The following LARGE1 variants were observed in gnomAD, a reference collection of about 807,000 sequenced individuals.
The protein encoded by LARGE1 is LARGE xylosyl- and glucuronyltransferase 1.
In LARGE1, 43 loss-of-function variants were observed where a neutral mutation model predicts 87.6. The observed-to-expected ratio is 0.49, with a 90% CI of 0.38 to 0.63. The LOEUF is 0.63. Among genes scored for constraint, LARGE1 ranks in the 30% least tolerant of loss-of-function variants. The pLI is 0.00. For synonymous variants in LARGE1, 434 were observed against 394.6 expected, an observed-to-expected ratio of 1.10 and a Z score of -1.18; for missense variants, 802 against 1,000.2, an observed-to-expected ratio of 0.80 and a Z score of 2.67.
At chr22:33,137,450 G>A in the LARGE1 span, 69 of 152,356 alleles carry the variant, frequency 4.5e-4, no homozygotes, top group African/African-American at 1.6e-3. Context: ...CAGAGCATAA[G>A]AGTTCAGAAA....
chr22:33,482,736 T>C (rs2069383517), intron 6 of LARGE1, among the ~76,000 whole-genome samples: 1 of 152,138 alleles, frequency 6.6e-6, no homozygotes, highest in Admixed American at 6.5e-5. Flanking sequence ...AACAATCCAA[T>C]AATACTCTTT....
At chr22:33,821,857 T>C (rs2086832604) in intron 1 of LARGE1, among the ~76,000 whole-genome samples, 1 of 151,288 alleles carries the variant, frequency 6.6e-6, no homozygotes, top group African/African-American at 2.4e-5. Flanking sequence ...CTGAAAAGCC[T>C]GCCCAAGTGC....
At chr22:33,876,460 T>A (rs1167926598) in intron 1 of LARGE1, among the ~76,000 whole-genome samples, 1 of 152,130 alleles carries the variant, frequency 6.6e-6, no homozygotes, top group African/African-American at 2.4e-5. Context: ...TTTGTGAAAA[T>A]TCACCAAGCT....
chr22:33,912,501 A>G (rs1360100635), intron 1 of LARGE1, among the ~76,000 whole-genome samples: 1 of 152,210 alleles, frequency 6.6e-6, no homozygotes, highest in Non-Finnish European at 1.5e-5. Context: ...GTAATTCAGA[A>G]AAGGACTATG....
intron 9 of LARGE1, among the ~76,000 whole-genome samples, chr22:33,344,812 G>T (rs1203629073): frequency 3.4e-4 from 11 of 32,544 alleles, no homozygotes; most frequent in Non-Finnish European, 7.0e-4. Flanking sequence ...ATCATTGTTG[G>T]CTTGGGGGCA....
intron 6 of LARGE1, among the ~76,000 whole-genome samples, chr22:33,490,709 A>G (rs5994756): frequency 0.058 from 8,839 of 152,226 alleles, 712 homozygotes; most frequent in African/African-American, 0.18. Flanking sequence ...GCATTGCCCC[A>G]AGTTAGAGGT....
chr22:33,238,224 G>A (rs373438077), intron 11 of LARGE1, among the ~76,000 whole-genome samples: 3 of 152,044 alleles, frequency 2.0e-5, no homozygotes, highest in East Asian at 3.9e-4. Context: ...AAGAGAATGA[G>A]TAAACCAGGA....
chr22:33,198,775 A>G (rs79842843), intron 11 of LARGE1, among the ~76,000 whole-genome samples: 4,593 of 152,180 alleles, frequency 0.03, 95 homozygotes, highest in Admixed American at 0.056. Context: ...TTAATTCCAT[A>G]CCTTTGCTAT....
At chr22:33,417,688 TTG>T (rs1230864713) in intron 7 of LARGE1, among the ~76,000 whole-genome samples, 1 of 152,176 alleles carries the variant, frequency 6.6e-6, no homozygotes, top group African/African-American at 2.4e-5. Context: ...TCCAGGGCTC[TTG>T]CCCGGGGCTC....
chr22:33,078,337 C>G, the LARGE1 span, among the ~76,000 whole-genome samples: 1 of 152,172 alleles, frequency 6.6e-6, no homozygotes, highest in South Asian at 2.1e-4. Flanking sequence ...ACATCTTTAG[C>G]GAGAAATGTA....
intron 3 of LARGE1, among the ~76,000 whole-genome samples, chr22:33,632,284 C>T (rs759424712): frequency 1.3e-5 from 2 of 152,124 alleles, no homozygotes; most frequent in Non-Finnish European, 2.9e-5. Context: ...CCATCATGCC[C>T]AGCTAATATT....
the LARGE1 span, among the ~76,000 whole-genome samples, chr22:33,084,170 C>T: frequency 2.6e-5 from 4 of 152,076 alleles, no homozygotes; most frequent in South Asian, 2.1e-4. Context: ...ATTCAGTTAT[C>T]GCCTCCTCAA....
At chr22:33,794,609 A>T (rs1162694443) in intron 1 of LARGE1, among the ~76,000 whole-genome samples, 1 of 152,066 alleles carries the variant, frequency 6.6e-6, no homozygotes, top group East Asian at 1.9e-4. Context: ...TCATTTCCTC[A>T]AAGTGGGAAA....
intron 11 of LARGE1, among the ~76,000 whole-genome samples, chr22:33,308,957 C>T (rs550076290): frequency 1.3e-5 from 2 of 152,278 alleles, no homozygotes; most frequent in African/African-American, 2.4e-5. Flanking sequence ...TAATTTCCTC[C>T]TTAGGTTCTA....
chr22:33,646,348 C>T (rs2080611397), intron 3 of LARGE1, among the ~76,000 whole-genome samples: 1 of 152,080 alleles, frequency 6.6e-6, no homozygotes, highest in Non-Finnish European at 1.5e-5. Flanking sequence ...GAAAACCAAA[C>T]ACCACATGTT....
At chr22:33,089,275 T>G in the LARGE1 span, among the ~76,000 whole-genome samples, 1 of 148,034 alleles carries the variant, frequency 6.8e-6, no homozygotes, top group Admixed American at 6.6e-5. Context: ...CTTCTTCTTC[T>G]TCTTGTTCTT....
chr22:33,126,090 G>T, the LARGE1 span, among the ~76,000 whole-genome samples: 1 of 152,200 alleles, frequency 6.6e-6, no homozygotes, highest in Non-Finnish European at 1.5e-5. Context: ...AGAAATCCTA[G>T]GGCTGGGGTT....
intron 5 of LARGE1, among the ~76,000 whole-genome samples, chr22:33,599,206 C>T (rs376335245): frequency 1.3e-5 from 2 of 152,164 alleles, no homozygotes; most frequent in African/African-American, 4.8e-5. Context: ...CAAATATCAG[C>T]GTCAGCACTT....
chr22:33,195,583 G>A (rs9609740), intron 11 of LARGE1, among the ~76,000 whole-genome samples: 85,693 of 151,516 alleles, frequency 0.57, 24,552 homozygotes, highest in Middle Eastern at 0.62. Flanking sequence ...TAATGTATGG[G>A]TCAAAGAAGA....
Sources: allele counts gnomAD v4.1 joint callset (sites outside exome capture counted in the v4.1 genomes callset), GRCh38; gene constraint gnomAD v4.1.1; transcripts MANE v1.5; gene names NCBI Gene and HGNC (gene_info 2026-07-23, HGNC 2026-07-21).